SLCO4C1: variants seen among roughly 807,000 people sequenced by gnomAD.
SLCO4C1 encodes the protein organic anion transporter M1.
Under a neutral mutation model 72.1 loss-of-function variants are expected in SLCO4C1, and 58 were observed. The observed-to-expected ratio is 0.80, with a 90% CI of 0.65 to 1.00. SLCO4C1 has a LOEUF of 1.00. SLCO4C1 is among the 50% of genes least tolerant of loss of function. The pLI, the probability that SLCO4C1 is intolerant of heterozygous loss-of-function variation, is 0.00. For synonymous variants in SLCO4C1, 297 were observed against 312.5 expected (o/e 0.95, Z 0.52); for missense variants, 898 against 857.9 (o/e 1.05, Z -0.58).
chr5:102,291,343 C>T lies in SLCO4C1; in HGVS notation c.619G>A (p.Asp207Asn), dbSNP rs768390707. 6 of 1,610,304 alleles carry T rather than the reference C, an allele frequency of 3.7e-6. No individual in the cohort carries two copies. Among genetic ancestry groups the T allele is most frequent in the East Asian group, 2.2e-5 (1 of 44,848 alleles). ...GEYKLGSLFE[D>N]TCVTTRNSTS... ...AAACATAAACACAATAGAAACTTACCTTCAAAAAGAGACCCCAATTTATAT... is the reference window on the plus strand; with the variant it reads ...AAACATAAACACAATAGAAACTTACTTTCAAAAAGAGACCCCAATTTATAT... Residue 207 changes from aspartate to asparagine, a missense_variant and splice_region_variant, in exon 2 of 13, where the codon GAC becomes AAC. Physicochemically the swap from Asp to Asn is conservative, Grantham distance 23 (BLOSUM62 1). Coordinates refer to ENST00000310954, the MANE Select transcript of SLCO4C1 (RefSeq NM_180991.5).
chr5:102,239,050 T>C (rs1259813381), intron 12 of SLCO4C1, among the ~76,000 whole-genome samples: 1 of 152,154 alleles, frequency 6.6e-6, no homozygotes, highest in Middle Eastern at 3.2e-3. Context: ...TATTTAGTAC[T>C]GAGCCTTGCA....
intron 3 of SLCO4C1, among the ~76,000 whole-genome samples, chr5:102,264,280 C>T (rs1434978555): frequency 6.6e-6 from 1 of 152,030 alleles, no homozygotes; most frequent in South Asian, 2.1e-4. Flanking sequence ...GGTAGGGACT[C>T]TCCCTATTTT....
At chr5:102,244,899 T>C (rs1580239870) in intron 10 of SLCO4C1, among the ~76,000 whole-genome samples, 1 of 152,272 alleles carries the variant, frequency 6.6e-6, no homozygotes, top group East Asian at 1.9e-4. Context: ...AAGGGTGTAC[T>C]TCAATCAGAA....
rs748388141 is a variant in SLCO4C1 at position 102,236,952 on chromosome 5, G to A, written c.2081C>T (p.Pro694Leu). ...ATGAAATGACACATCTGTGGCTGAT[G>A]GAGGTGGTTTATACAAAAAGATTGC... ...GFAIFLYKPP[P>L]SATDVSFHKE... is the part of the protein sequence containing the mutation. The change falls in exon 13 of 13, where the codon CCA becomes CTA. Residue 694 changes from proline (P) to leucine (L), a missense_variant. Pro to Leu is a moderately conservative substitution (Grantham distance 98). Coordinates refer to ENST00000310954, the MANE Select transcript of SLCO4C1 (RefSeq NM_180991.5). 1.2e-6 allele frequency: 2 copies of A among 1,612,526 alleles called. No homozygotes were observed. Among genetic ancestry groups the A allele is most frequent in the East Asian group, 4.5e-5 (2 of 44,756 alleles).
intron 2 of SLCO4C1, among the ~76,000 whole-genome samples, chr5:102,271,682 T>C (rs1469146728): frequency 6.6e-6 from 1 of 152,094 alleles, no homozygotes; most frequent in East Asian, 1.9e-4. Flanking sequence ...ACATTTATTG[T>C]CACTTGCATT....
intron 11 of SLCO4C1, 104 bp from the exon 12 acceptor site, chr5:102,239,492 G>T: frequency 2.6e-6 from 2 of 779,916 alleles, no homozygotes; most frequent in Non-Finnish European, 3.6e-6. Context: ...ATAAAAATAA[G>T]TATTCATCTG....
At chr5:102,239,224 T>C (rs1748492694) in intron 12 of SLCO4C1, 27 bp downstream of exon 12, 1 of 1,523,836 alleles carries the variant, frequency 6.6e-7, no homozygotes, top group Non-Finnish European at 8.8e-7. Context: ...TAGTTTACTC[T>C]AAAATTATCA....
intron 6 of SLCO4C1, 63 bp from the exon 7 acceptor site, chr5:102,258,150 A>T: frequency 2.2e-6 from 3 of 1,342,942 alleles, no homozygotes; most frequent in Non-Finnish European, 3.0e-6. Flanking sequence ...GTACAGAATT[A>T]GAAGGTTAGC....
In SLCO4C1 at chr5:102,247,249, T is replaced by C. The variant is rs1376400831; in HGVS notation, c.1811+3A>G. On this transcript the variant is annotated splice_donor_region_variant and intron_variant, in intron 10 of 12. Transcript: ENST00000310954. ...AATGAAAATTTCTCAACGTGCTACA[T>C]ACCTTAGGATAGACACAGTTATAGG... 2 of 1,494,098 alleles carry C rather than the reference T, an allele frequency of 1.3e-6. No individual in the cohort carries two copies. The highest frequency in any genetic ancestry group is 1.8e-6 in the Non-Finnish European group (2 of 1,111,806). 92.6% of individuals were successfully genotyped at this position (1,494,098 alleles called of 1,614,324 possible).
At chr5:102,283,377 C>G (rs1749391508) in intron 2 of SLCO4C1, among the ~76,000 whole-genome samples, 1 of 151,912 alleles carries the variant, frequency 6.6e-6, no homozygotes, top group African/African-American at 2.4e-5. Context: ...TGAGCAAAAA[C>G]TTAAACTCAC....
intron 8 of SLCO4C1, among the ~76,000 whole-genome samples, chr5:102,253,631 AC>A: frequency 6.6e-6 from 1 of 152,166 alleles, no homozygotes; most frequent in Non-Finnish European, 1.5e-5. Flanking sequence ...ACATGGTGAA[AC>A]CCTGTCTCTA....
At chr5:102,271,559 T>C (rs1336954575) in intron 2 of SLCO4C1, among the ~76,000 whole-genome samples, 1 of 151,820 alleles carries the variant, frequency 6.6e-6, no homozygotes, top group Non-Finnish European at 1.5e-5. Flanking sequence ...AACAATTCAT[T>C]AACACTTTAC....
Position 102,292,651 on chromosome 5 carries a change from A to G in SLCO4C1, c.356-1045T>C, listed in dbSNP as rs549213443. ...TATGCAAAGTAAAAGAAAAAAACAT[A>G]TATTTATTATAACTATAGTGAAGGA... On this transcript the variant is annotated intron_variant, in intron 1 of 12. Coordinates refer to ENST00000310954, the MANE Select transcript of SLCO4C1 (RefSeq NM_180991.5). Among the ~76,000 whole-genome samples the G allele has an allele frequency of 6.6e-5, 10 of 152,214 alleles. No homozygotes were observed. The South Asian group carries it at 1.9e-3, about 28-fold the overall frequency.
chr5:102,258,082 C>T lies in SLCO4C1; in HGVS notation c.1134G>A (p.Leu378=). The change falls in exon 7 of 13, where the codon TTG becomes TTA. Residue 378 remains leucine, a synonymous_variant. Transcript: ENST00000310954. The part of the protein sequence containing the change: ...IKDFPAALKN[L]MKNAVFMCLV... ...AACACATAAAGACAGCATTCTTCAT[C>T]AAATTCTAAAGAAAAAAATACAGTT... 1 of 1,541,320 alleles carries T rather than the reference C, an allele frequency of 6.5e-7. No individual in the cohort carries two copies. The highest frequency in any genetic ancestry group is 8.7e-7 in the Non-Finnish European group (1 of 1,151,410).
intron 2 of SLCO4C1, among the ~76,000 whole-genome samples, chr5:102,288,515 A>G (rs1749496021): frequency 6.6e-6 from 1 of 152,192 alleles, no homozygotes. Flanking sequence ...TTCCAGAGTG[A>G]TTGGCTCCCA....
At position 102,291,541 on chromosome 5, in the gene SLCO4C1, T is replaced by A; in HGVS notation, c.421A>T (p.Ser141Cys). The change falls in exon 2 of 13, where the codon AGT becomes TGT. Residue 141 changes from serine to cysteine, a missense_variant. Physicochemically the swap from Ser to Cys is moderately radical, Grantham distance 112. Coordinates refer to ENST00000310954, the MANE Select transcript of SLCO4C1 (RefSeq NM_180991.5). ...STVEKRYEMKSSLTGLISSSY... is the reference protein window; with the variant it reads ...STVEKRYEMKCSLTGLISSSY... ...GATGAAATCAGGCCAGTCAGGGAACTCTTCATTTCATAACGCTTCTCAACA... is the reference window on the plus strand; with the variant it reads ...GATGAAATCAGGCCAGTCAGGGAACACTTCATTTCATAACGCTTCTCAACA... 1 of 1,614,094 alleles carries A rather than the reference T, an allele frequency of 6.2e-7. No homozygotes were observed. The highest frequency in any genetic ancestry group is 8.5e-7 in the Non-Finnish European group (1 of 1,179,960).
rs181534453 is a variant in SLCO4C1, at chr5:102,258,451, T to C, written c.1129-364A>G. Among the ~76,000 whole-genome samples the C allele has an allele frequency of 3.4e-4, 52 of 152,294 alleles. 1 individual carries two copies. Among genetic ancestry groups the C allele is most frequent in the Non-Finnish European group, 2.4e-4 (16 of 68,020 alleles). ...ACCTATTTGATATTTTATTGTGTTC[T>C]GAATTCCTATGTACAGTAAAGAAAG... On this transcript the variant is annotated intron_variant, in intron 6 of 12. Coordinates refer to ENST00000310954, the MANE Select transcript of SLCO4C1 (RefSeq NM_180991.5).
rs1446013801 is a variant in SLCO4C1, at chr5:102,234,956, C to A, written c.*1902G>T. The A allele has an allele frequency of 6.6e-6, 1 of 152,186 alleles. No homozygotes were observed. Among genetic ancestry groups the A allele is most frequent in the Non-Finnish European group, 1.5e-5 (1 of 68,060 alleles). The allele number at this position is 152,186 out of a possible 1,614,324, so 9.4% of individuals were successfully genotyped here. On this transcript the variant is annotated 3_prime_UTR_variant, in exon 13 of 13. Coordinates refer to ENST00000310954, the MANE Select transcript of SLCO4C1 (RefSeq NM_180991.5). ...TATAAATTTCCTGCTTCTCAAATATCTGGATTTTTGGCTACCTATTTGGCT... is the reference window on the plus strand; with the variant it reads ...TATAAATTTCCTGCTTCTCAAATATATGGATTTTTGGCTACCTATTTGGCT...
chr5:102,250,980 C>G (rs1748728569), intron 8 of SLCO4C1, among the ~76,000 whole-genome samples: 1 of 151,296 alleles, frequency 6.6e-6, no homozygotes, highest in Non-Finnish European at 1.5e-5. Flanking sequence ...GAGTGAGACT[C>G]CATACAAAAA....
Sources: gnomAD v4.1 joint callset for allele counts (sites outside exome capture counted in the v4.1 genomes callset) on GRCh38, gnomAD v4.1.1 for gene constraint, MANE v1.5 for transcripts, NCBI Gene and HGNC (gene_info 2026-07-23, HGNC 2026-07-21) for gene names.